Variants in ALG9 observed in about 807,000 individuals in gnomAD.
ALG9 encodes ALG9 alpha-1,2-mannosyltransferase, also known as alpha-1,2-mannosyltransferase ALG9.
A neutral mutation model predicts 81.8 loss-of-function variants in ALG9; 55 were observed. That is an observed-to-expected ratio of 0.67 (90% CI 0.54 to 0.84). ALG9 has a LOEUF of 0.84. Among genes scored for constraint, ALG9 ranks in the 40% least tolerant of loss-of-function variants. The pLI, the probability that ALG9 is intolerant of heterozygous loss-of-function variation, is 0.00. For missense variants in ALG9, 629 were observed against 745.0 expected (o/e 0.84, Z 1.81); for synonymous variants, 278 against 274.3 (o/e 1.01, Z -0.13).
intron 13 of ALG9, among the ~76,000 whole-genome samples, chr11:111,826,868 C>T (rs928586759): frequency 6.6e-6 from 1 of 151,936 alleles, no homozygotes; most frequent in African/African-American, 2.4e-5. Flanking sequence ...TTTTATTGTT[C>T]TTTTTCTATT....
intron 13 of ALG9, among the ~76,000 whole-genome samples, chr11:111,812,735 G>C (rs1950906039): frequency 6.6e-6 from 1 of 151,768 alleles, no homozygotes; most frequent in African/African-American, 2.4e-5. Context: ...TGGCCAACAT[G>C]GTGAAACCCC....
intron 14 of ALG9, chr11:111,805,074 G>A (rs1287289240): frequency 3.1e-6 from 1 of 322,154 alleles, no homozygotes; most frequent in Admixed American, 4.4e-5. Context: ...AAATTCATAT[G>A]TTGAAGTCTA....
chr11:111,799,512 C>T (rs1316569510), intron 14 of ALG9, among the ~76,000 whole-genome samples: 1 of 150,442 alleles, frequency 6.6e-6, no homozygotes, highest in African/African-American at 2.5e-5. Context: ...ACCCTGATTG[C>T]TTCTCTTTCA....
At chr11:111,864,351 C>G in intron 4 of ALG9, 1 of 772,540 alleles carries the variant, frequency 1.3e-6, no homozygotes, top group Non-Finnish European at 2.4e-6. Context: ...CAGGCAGCTG[C>G]AGACTTCAAA....
chr11:111,870,194 A>T, intron 2 of ALG9, 38 bp downstream of exon 2: 1 of 1,601,634 alleles, frequency 6.2e-7, no homozygotes, highest in South Asian at 1.1e-5. Context: ...ATGCTGCAAA[A>T]TCAAGAACAA....
the ALG9 span, among the ~76,000 whole-genome samples, chr11:111,777,049 T>G: frequency 6.6e-6 from 1 of 152,228 alleles, no homozygotes; most frequent in Non-Finnish European, 1.5e-5. Flanking sequence ...GAGGTAAAGT[T>G]AGGACTTTGT....
intron 7 of ALG9, 59 bp downstream of exon 7, chr11:111,853,590 C>A: frequency 6.3e-7 from 1 of 1,577,482 alleles, no homozygotes; most frequent in South Asian, 1.1e-5. Context: ...TTCCTTTTTT[C>A]ACATCAAAGT....
intron 6 of ALG9, 29 bp from the exon 7 acceptor site, chr11:111,853,765 TTAAA>T (rs782155584): frequency 1.9e-6 from 3 of 1,566,856 alleles, no homozygotes; most frequent in Admixed American, 3.3e-5. Context: ...GAGCGGGGAG[TTAAA>T]TAAATACTGA....
intron 14 of ALG9, among the ~76,000 whole-genome samples, chr11:111,799,174 G>C (rs1948731900): frequency 6.6e-6 from 1 of 152,120 alleles, no homozygotes; most frequent in African/African-American, 2.4e-5. Context: ...TATTGAGACA[G>C]TCTCGCTCTG....
chr11:111,865,824 T>C (rs1355460005), intron 3 of ALG9, among the ~76,000 whole-genome samples: 1 of 152,088 alleles, frequency 6.6e-6, no homozygotes, highest in African/African-American at 2.4e-5. Context: ...TAGATTTAGA[T>C]GAGTATTTTT....
Position 111,862,814 on chromosome 11 carries a change from G to A in ALG9, c.477-2179C>T, listed in dbSNP as rs1055019610. 1.8e-4 allele frequency among the ~76,000 whole-genome samples: 27 copies of A among 151,534 alleles called. No homozygotes were observed. In the South Asian group the frequency reaches 4.0e-3, roughly 22 times the overall value. On this transcript the variant is annotated intron_variant, in intron 4 of 14. Coordinates refer to ENST00000616540, the MANE Select transcript of ALG9 (RefSeq NM_024740.2). ...GTTCATGTTTTTGGTTCTTTTACTT[G>A]TTTGAAAATGTTAAATATACTTACA...
chr11:111,851,096 T>A (rs978073982), intron 8 of ALG9, among the ~76,000 whole-genome samples: 2 of 152,204 alleles, frequency 1.3e-5, no homozygotes, highest in African/African-American at 4.8e-5. Flanking sequence ...GGTTCCTGAC[T>A]GACCCACTGT....
chr11:111,774,934 CTT>C, the ALG9 span, among the ~76,000 whole-genome samples: 6 of 152,164 alleles, frequency 3.9e-5, no homozygotes, highest in East Asian at 1.2e-3. Context: ...TTGTAGGCCT[CTT>C]ATCACCATGT....
chr11:111,769,141 T>TTA, the ALG9 span: 3 of 117,166 alleles, frequency 2.6e-5, no homozygotes, highest in Non-Finnish European at 5.1e-5. Context: ...ACCCCATCTC[T>TTA]AAAAAAAAAA....
chr11:111,792,206 GTAT>G (rs1295473923), intron 14 of ALG9, among the ~76,000 whole-genome samples: 2 of 152,158 alleles, frequency 1.3e-5, no homozygotes, highest in African/African-American at 4.8e-5. Context: ...TTCACAATTT[GTAT>G]TATTTATTTG....
chr11:111,840,022 C>T (rs1268825404), intron 10 of ALG9, among the ~76,000 whole-genome samples: 2 of 152,082 alleles, frequency 1.3e-5, no homozygotes, highest in African/African-American at 2.4e-5. Context: ...GACAACTGCA[C>T]ACATCTGTGA....
chr11:111,823,764 G>T (rs1287092151), intron 13 of ALG9, among the ~76,000 whole-genome samples: 2 of 152,182 alleles, frequency 1.3e-5, no homozygotes, highest in Admixed American at 6.5e-5. Context: ...GTTAGGTGAT[G>T]GTAAATAAAG....
chr11:111,792,047 C>A (rs781784288), intron 14 of ALG9, among the ~76,000 whole-genome samples: 1 of 152,186 alleles, frequency 6.6e-6, no homozygotes, highest in Non-Finnish European at 1.5e-5. Flanking sequence ...TGTGCCACTG[C>A]ACTCCAGCCT....
In ALG9 at chr11:111,788,313, G is replaced by GT. The variant is rs1286071888; in HGVS notation, c.1734-1794dup. 5.5e-4 allele frequency: 240 copies of GT among 433,296 alleles called. 1 individual carries two copies. The highest frequency in any genetic ancestry group is 9.5e-4 in the Non-Finnish European group (209 of 219,000). 26.8% of individuals were successfully genotyped at this position (433,296 alleles called of 1,614,324 possible). A position where few individuals can be genotyped will look rare whatever the true frequency, so the allele number is the denominator to read the frequency against. ...GGACGCTGGCAGTGCCCTGTGCTCT[G>GT]TAAGATTCACTTCACTTCAACAGTG... On this transcript the variant is annotated intron_variant, in intron 14 of 14. Transcript: ENST00000616540.
Sources: gnomAD v4.1 joint callset for allele counts (sites outside exome capture counted in the v4.1 genomes callset) on GRCh38, gnomAD v4.1.1 for gene constraint, MANE v1.5 for transcripts, NCBI Gene and HGNC (gene_info 2026-07-23, HGNC 2026-07-21) for gene names.